RGS7BP: variants seen among roughly 807,000 people sequenced by gnomAD.
RGS7BP encodes regulator of G protein signaling 7 binding protein, also known as regulator of G protein signaling 7-binding protein.
In RGS7BP, 9 loss-of-function variants were observed where a neutral mutation model predicts 31.3. That is an observed-to-expected ratio of 0.29 (90% CI 0.17 to 0.50). RGS7BP has a LOEUF of 0.50. Ranked by LOEUF, RGS7BP falls within the 20% of genes least tolerant of loss-of-function variation. RGS7BP has a pLI of 0.98. For synonymous variants in RGS7BP, 115 were observed against 120.1 expected (o/e 0.96, Z 0.28); for missense variants, 274 against 322.0 (o/e 0.85, Z 1.14).
intron 2 of RGS7BP, among the ~76,000 whole-genome samples, chr5:64,517,936 T>A (rs1018481080): frequency 3.9e-5 from 6 of 152,136 alleles, no homozygotes; most frequent in African/African-American, 1.4e-4. Flanking sequence ...CTCCTGTAAA[T>A]AAACCAAAGA....
At chr5:64,533,056 C>T (rs1749412493) in intron 2 of RGS7BP, among the ~76,000 whole-genome samples, 1 of 152,204 alleles carries the variant, frequency 6.6e-6, no homozygotes. Context: ...CCCTTTCTGC[C>T]AAACAGCTTC....
intron 4 of RGS7BP, among the ~76,000 whole-genome samples, chr5:64,598,153 G>A (rs188410363): frequency 1.5e-4 from 23 of 152,250 alleles, no homozygotes; most frequent in African/African-American, 4.6e-4. Flanking sequence ...AGAAATGTTT[G>A]GCAGAATGGC....
chr5:64,578,749 A>G (rs1156830034), intron 3 of RGS7BP, among the ~76,000 whole-genome samples: 3 of 152,170 alleles, frequency 2.0e-5, no homozygotes, highest in African/African-American at 7.2e-5. Context: ...GATGAATGTG[A>G]TCTGTGTGAT....
chr5:64,539,576 T>A (rs1741472717), intron 2 of RGS7BP: 1 of 152,150 alleles, frequency 6.6e-6, no homozygotes, highest in Non-Finnish European at 1.5e-5. Flanking sequence ...CTTAAGCCCA[T>A]TTCTGGGTTG....
intron 2 of RGS7BP, among the ~76,000 whole-genome samples, chr5:64,570,670 C>A (rs576704712): frequency 6.6e-6 from 1 of 152,214 alleles, no homozygotes; most frequent in Non-Finnish European, 1.5e-5. Flanking sequence ...CTAAACTTGA[C>A]CTTACCAATT....
At chr5:64,593,347 G>A (rs1364767419) in intron 3 of RGS7BP, among the ~76,000 whole-genome samples, 3 of 152,174 alleles carry the variant, frequency 2.0e-5, no homozygotes, top group African/African-American at 7.2e-5. Flanking sequence ...CTTCCTGTTA[G>A]ATTTTACCAT....
intron 2 of RGS7BP, among the ~76,000 whole-genome samples, chr5:64,572,807 CTTTT>C (rs373867967): frequency 2.1e-5 from 3 of 144,222 alleles, no homozygotes; most frequent in Non-Finnish European, 4.6e-5. Flanking sequence ...CTTGCCTTTT[CTTTT>C]TTTTTTTAAT....
chr5:64,562,548 G>C (rs1580433351), intron 2 of RGS7BP, among the ~76,000 whole-genome samples: 1 of 152,088 alleles, frequency 6.6e-6, no homozygotes, highest in Non-Finnish European at 1.5e-5. Context: ...TCATGTGGAG[G>C]CTAGAAGGTG....
chr5:64,567,124 C>T lies in RGS7BP; in HGVS notation c.333-8650C>T, dbSNP rs534119759. Among the ~76,000 whole-genome samples, 152 of 151,784 alleles carry T rather than the reference C, an allele frequency of 1.0e-3. 5 individuals carry two copies. The South Asian group carries it at 0.028, about 28-fold the overall frequency. ...GACATGCAACGTATGAACAAGCATGCACAGCTACTGCGCATGTGCACCCAG... is the reference window on the plus strand; with the variant it reads ...GACATGCAACGTATGAACAAGCATGTACAGCTACTGCGCATGTGCACCCAG... On this transcript the variant is annotated intron_variant, in intron 2 of 5. Transcript: ENST00000334025.
At chr5:64,559,851 A>G (rs1742011185) in intron 2 of RGS7BP, among the ~76,000 whole-genome samples, 1 of 152,168 alleles carries the variant, frequency 6.6e-6, no homozygotes, top group African/African-American at 2.4e-5. Flanking sequence ...TCAAACATAC[A>G]TGTGGGATTT....
chr5:64,537,397 A>G lies in RGS7BP; in HGVS notation c.332+29520A>G, dbSNP rs575845138. Among the ~76,000 whole-genome samples, 9 of 152,290 alleles carry G rather than the reference A, an allele frequency of 5.9e-5. No individual in the cohort carries two copies. In the South Asian group the frequency reaches 1.2e-3, roughly 21 times the overall value. ...GGTTACAAGCTTGGTTTAGGCTATC[A>G]CCAGAAGACTGGTAGGTCAATGTAT... On this transcript the variant is annotated intron_variant, in intron 2 of 5. Coordinates refer to ENST00000334025, the MANE Select transcript of RGS7BP (RefSeq NM_001029875.3).
intron 5 of RGS7BP, among the ~76,000 whole-genome samples, chr5:64,604,351 C>T (rs1743300552): frequency 6.6e-6 from 1 of 152,126 alleles, no homozygotes; most frequent in Non-Finnish European, 1.5e-5. Flanking sequence ...TCCTGCCTGG[C>T]ATTCTCATAG....
intron 2 of RGS7BP, among the ~76,000 whole-genome samples, chr5:64,514,332 TG>T (rs1748917051): frequency 6.6e-6 from 1 of 152,128 alleles, no homozygotes; most frequent in Non-Finnish European, 1.5e-5. Flanking sequence ...TGAATTTGGT[TG>T]GGGGAAAGGG....
intron 4 of RGS7BP, among the ~76,000 whole-genome samples, chr5:64,595,688 T>C (rs904875401): frequency 2.0e-5 from 3 of 152,210 alleles, no homozygotes; most frequent in Non-Finnish European, 4.4e-5. Flanking sequence ...ACCAAGCAGC[T>C]GAATGAATAC....
chr5:64,595,662 T>G (rs1387771967), intron 4 of RGS7BP, among the ~76,000 whole-genome samples: 2 of 152,206 alleles, frequency 1.3e-5, no homozygotes, highest in African/African-American at 2.4e-5. Context: ...TTGCTACTAA[T>G]GTCCCCAGAG....
intron 2 of RGS7BP, among the ~76,000 whole-genome samples, chr5:64,533,499 G>A (rs186818899): frequency 2.9e-4 from 44 of 152,154 alleles, no homozygotes; most frequent in Middle Eastern, 3.4e-3. Flanking sequence ...CTCAGGCCAC[G>A]ACCCACATCA....
intron 5 of RGS7BP, among the ~76,000 whole-genome samples, 155 bp downstream of exon 5, chr5:64,598,590 A>G (rs1296898052): frequency 6.6e-6 from 1 of 152,184 alleles, no homozygotes; most frequent in East Asian, 1.9e-4. Context: ...AAATGAGACT[A>G]GAAACTCTCT....
In RGS7BP at chr5:64,598,451, T is replaced by A; in HGVS notation, c.682+16T>A. 1 of 1,528,086 alleles carries A rather than the reference T, an allele frequency of 6.5e-7. No homozygotes were observed. Among genetic ancestry groups the A allele is most frequent in the South Asian group, 1.1e-5 (1 of 89,012 alleles). 94.7% of individuals were successfully genotyped at this position (1,528,086 alleles called of 1,614,324 possible). On this transcript the variant is annotated intron_variant, in intron 5 of 5. Transcript: ENST00000334025. ...AAAAATCAAGGTGAGTCTTGTCACT[T>A]CTCTTTGAGGCAGAGGATGTTTTTA...
chr5:64,540,548 A>G (rs191483872), intron 2 of RGS7BP, among the ~76,000 whole-genome samples: 86 of 152,304 alleles, frequency 5.6e-4, no homozygotes, highest in African/African-American at 1.9e-3. Context: ...CTTTATAAAT[A>G]TGTCTGCTTT....
Sources: gnomAD v4.1 joint callset for allele counts (sites outside exome capture counted in the v4.1 genomes callset) on GRCh38, gnomAD v4.1.1 for gene constraint, MANE v1.5 for transcripts, NCBI Gene and HGNC (gene_info 2026-07-23, HGNC 2026-07-21) for gene names.